Variants in ABCA3 observed in about 807,000 individuals in gnomAD.
ABCA3 encodes the protein phospholipid-transporting ATPase ABCA3.
A neutral mutation model predicts 172.8 loss-of-function variants in ABCA3; 88 were observed. The observed-to-expected ratio is 0.51, with a 90% CI of 0.43 to 0.61. ABCA3 has a LOEUF of 0.61. ABCA3 is among the 20% of genes least tolerant of loss of function. The pLI is 0.00. For synonymous variants in ABCA3, 1,066 were observed against 983.8 expected (o/e 1.08, Z -1.56); for missense variants, 2,164 against 2,301.0 (o/e 0.94, Z 1.22).
chr16:2,317,516 G>C (rs1194471975), intron 9 of ABCA3, 113 bp from the exon 10 acceptor site: 2 of 1,577,644 alleles, frequency 1.3e-6, no homozygotes, highest in South Asian at 2.2e-5. Flanking sequence ...GTGGGACATT[G>C]ACAGCTCCTC....
chr16:2,285,328 G>C lies in ABCA3; in HGVS notation c.3483+114C>G, dbSNP rs923490394. 8 of 1,297,550 alleles carry C rather than the reference G, an allele frequency of 6.2e-6. No homozygotes were observed. The African/African-American group carries it at 7.3e-5, about 12-fold the overall frequency. The allele number at this position is 1,297,550 out of a possible 1,614,324, so 80.4% of individuals were successfully genotyped here. On this transcript the variant is annotated intron_variant, in intron 23 of 32. Coordinates refer to ENST00000301732, the MANE Select transcript of ABCA3 (RefSeq NM_001089.3). The surrounding 1 kb of genome is among the most constrained non-coding windows in gnomAD (Gnocchi z 4.7). ...GGATTCCAGCTGTCCTCCCTGAGTC[G>C]GGCCGAGCTGCCGGCCTAGGGGCTG...
chr16:2,298,357 C>T lies in ABCA3; in HGVS notation c.1896+29G>A, dbSNP rs375159671. The T allele has an allele frequency of 3.0e-5, 48 of 1,613,774 alleles. 1 individual carries two copies. The African/African-American group carries it at 3.7e-4, about 13-fold the overall frequency. On this transcript the variant is annotated intron_variant, in intron 15 of 32. Transcript: ENST00000301732. ...AAACTCGAGCACATCAGTGGAAACA[C>T]CCCTGCACACCCCTGGCCCCCAACT... is the stretch of plus-strand genomic sequence containing the variant.
intron 1 of ABCA3, among the ~76,000 whole-genome samples, chr16:2,340,082 G>A (rs964649096): frequency 6.6e-6 from 1 of 152,238 alleles, no homozygotes; most frequent in African/African-American, 2.4e-5. Context: ...GTGGGAGCAG[G>A]CGGAATCCAA....
intron 1 of ABCA3, among the ~76,000 whole-genome samples, chr16:2,331,716 C>G (rs1402013536): frequency 6.6e-6 from 1 of 152,234 alleles, no homozygotes; most frequent in Non-Finnish European, 1.5e-5. Flanking sequence ...GCACTTGACG[C>G]CGAGGCGGCA....
At chr16:2,314,549 G>A (rs1217909821) in intron 10 of ABCA3, among the ~76,000 whole-genome samples, 8 of 151,950 alleles carry the variant, frequency 5.3e-5, no homozygotes, top group Admixed American at 1.3e-4. Context: ...GGTGCACAAC[G>A]ATGTGAATGC....
Position 2,287,619 on chromosome 16 carries a change from C to A in ABCA3, c.3004+407G>T, listed in dbSNP as rs1310195601. 6.6e-6 allele frequency among the ~76,000 whole-genome samples: 1 copy of A among 152,216 alleles called. No homozygotes were observed. Among genetic ancestry groups the A allele is most frequent in the African/African-American group, 2.4e-5 (1 of 41,454 alleles). ...AAGATGTTGAAAGAAAACACCCTGT[C>A]ACACGAAGGCACACTGTGGCCAGCA... On this transcript the variant is annotated intron_variant, in intron 21 of 32. Coordinates refer to ENST00000301732, the MANE Select transcript of ABCA3 (RefSeq NM_001089.3). This position sits in a 1 kb window ranked among gnomAD's most constrained non-coding sequence, Gnocchi z 4.1.
chr16:2,289,961 T>TCACACACA (rs3138606), intron 19 of ABCA3, among the ~76,000 whole-genome samples: 1,787 of 138,262 alleles, frequency 0.013, 20 homozygotes, highest in East Asian at 0.018. Flanking sequence ...GTGAATTACA[T>TCACACACA]CACACACACA....
In ABCA3 at chr16:2,278,596, G is replaced by T. The variant is rs2093650349; in HGVS notation, c.4548-138C>A. ...CAGCCCTAGTGAAGAGGAAGGAGCT[G>T]TGTGTGCACCTGGAAAGCCCACCGC... On this transcript the variant is annotated intron_variant, in intron 29 of 32. Transcript: ENST00000301732. The surrounding 1 kb of genome is among the most constrained non-coding windows in gnomAD (Gnocchi z 4.4). 1 of 1,226,662 alleles carries T rather than the reference G, an allele frequency of 8.2e-7. No homozygotes were observed. The highest frequency in any genetic ancestry group is 1.1e-6 in the Non-Finnish European group (1 of 873,508). 76.0% of individuals were successfully genotyped at this position (1,226,662 alleles called of 1,614,324 possible). A position where few individuals can be genotyped will look rare whatever the true frequency, so the allele number is the denominator to read the frequency against.
In ABCA3 at chr16:2,319,776, A is replaced by G. The variant is rs201462041; in HGVS notation, c.678T>C (p.His226=). The change falls in exon 8 of 33, where the codon CAT becomes CAC. Residue 226 remains histidine, a synonymous_variant. Coordinates refer to ENST00000301732, the MANE Select transcript of ABCA3 (RefSeq NM_001089.3). ...ACAGCTGGCGTGTGGCGGCATCGGC[A>G]TGGTACTCCATGATGGCCCGGTCCA... ...HAVDRAIMEY[H]ADAATRQLFQ... 1.3e-4 allele frequency: 202 copies of G among 1,613,880 alleles called. No homozygotes were observed. Among genetic ancestry groups the G allele is most frequent in the Non-Finnish European group, 1.7e-4 (202 of 1,180,014 alleles).
At position 2,319,680 on chromosome 16, in the gene ABCA3, G is replaced by A. The variant is rs2093722618; in HGVS notation, c.774C>T (p.Ala258=). 1.2e-6 allele frequency: 2 copies of A among 1,613,810 alleles called. No individual in the cohort carries two copies. Among genetic ancestry groups the A allele is most frequent in the African/African-American group, 1.3e-5 (1 of 74,886 alleles). The stretch of plus-strand genomic sequence containing the variant: ...GCAGCAGGGGCAGCTGGTACTGGAT[G>A]GCCACGAGGAAGGGGTCTGCGATGA... The part of the protein sequence containing the change: ...PPFIADPFLV[A]IQYQLPLLLL... The change falls in exon 8 of 33, where the codon GCC becomes GCT. Residue 258 remains alanine (A), a synonymous_variant. Transcript: ENST00000301732.
chr16:2,300,294 G>A, intron 12 of ABCA3, 146 bp from the exon 13 acceptor site: 1 of 1,175,128 alleles, frequency 8.5e-7, no homozygotes, highest in Non-Finnish European at 1.2e-6. Flanking sequence ...CTCAGGGAGA[G>A]CCCCAGAGAG....
chr16:2,322,093 G>A (rs575587556), intron 7 of ABCA3, among the ~76,000 whole-genome samples: 3 of 151,984 alleles, frequency 2.0e-5, no homozygotes, highest in African/African-American at 7.3e-5. Context: ...AGCTACTTGG[G>A]AGGTTGAGGC....
chr16:2,299,931 C>G, intron 13 of ABCA3, 74 bp downstream of exon 13: 1 of 1,598,682 alleles, frequency 6.3e-7, no homozygotes, highest in South Asian at 1.1e-5. Context: ...GCTATGAGGT[C>G]TCACTGCCGT....
chr16:2,284,787 C>A lies in ABCA3; in HGVS notation c.3695G>T (p.Arg1232Leu). 4 of 1,613,348 alleles carry A rather than the reference C, an allele frequency of 2.5e-6. No individual in the cohort carries two copies. The highest frequency in any genetic ancestry group is 3.4e-6 in the Non-Finnish European group (4 of 1,179,760). The change falls in exon 24 of 33, where the codon CGC becomes CTC. Residue 1232 changes from arginine (R) to leucine (L), a missense_variant. Coordinates refer to ENST00000301732, the MANE Select transcript of ABCA3 (RefSeq NM_001089.3). The surrounding 1 kb of genome is among the most constrained non-coding windows in gnomAD (Gnocchi z 5.9). The part of the protein sequence containing the change: ...IATFLMVTIM[R>L]IPAVKLEELS... Reference sequence around the variant, plus strand: ...GGTCTCCAGGTGCCCACCTGGGATGCGCATGATGGTGACCATCAGGAAGGT... The same window carrying A: ...GGTCTCCAGGTGCCCACCTGGGATGAGCATGATGGTGACCATCAGGAAGGT...
chr16:2,322,374 T>C (rs1177683009), intron 7 of ABCA3, among the ~76,000 whole-genome samples: 1 of 151,964 alleles, frequency 6.6e-6, no homozygotes, highest in African/African-American at 2.4e-5. Flanking sequence ...GAAAAGTATT[T>C]CTTTCTTTTT....
chr16:2,336,703 G>A (rs1244976423), intron 1 of ABCA3, among the ~76,000 whole-genome samples: 1 of 148,638 alleles, frequency 6.7e-6, no homozygotes, highest in African/African-American at 2.5e-5. Flanking sequence ...GCCTCCCAAA[G>A]TGCTAGGATT....
At chr16:2,289,310 G>A (rs1015704241) in intron 20 of ABCA3, 124 bp downstream of exon 20, 67 of 1,213,898 alleles carry the variant, frequency 5.5e-5, no homozygotes, top group Non-Finnish European at 7.0e-5. Flanking sequence ...CCCTCTGCCC[G>A]GTGTGCTGAC....
intron 11 of ABCA3, among the ~76,000 whole-genome samples, chr16:2,306,826 T>C (rs1021747381): frequency 5.3e-5 from 8 of 151,756 alleles, no homozygotes; most frequent in East Asian, 2.0e-4. Context: ...CCATCCTGGC[T>C]AACACAGTGA....
At position 2,278,924 on chromosome 16, in the gene ABCA3, C is replaced by T; in HGVS notation, c.4547+19G>A. On this transcript the variant is annotated intron_variant, in intron 29 of 32. Transcript: ENST00000301732. This position sits in a 1 kb window ranked among gnomAD's most constrained non-coding sequence, Gnocchi z 4.4. Reference sequence around the variant, plus strand: ...ATTCTGACTCCACTCTGGGAAGGGCCAGGGCTCGGGAGGTGCACCTGTACG... The same window carrying T: ...ATTCTGACTCCACTCTGGGAAGGGCTAGGGCTCGGGAGGTGCACCTGTACG... 3 of 1,613,278 alleles carry T rather than the reference C, an allele frequency of 1.9e-6. No homozygotes were observed. Among genetic ancestry groups the T allele is most frequent in the African/African-American group, 1.3e-5 (1 of 75,054 alleles).
Sources: gnomAD v4.1 joint callset for allele counts (sites outside exome capture counted in the v4.1 genomes callset) on GRCh38, gnomAD v4.1.1 for gene constraint, Gnocchi (gnomAD v3.1) non-coding constraint, MANE v1.5 for transcripts, NCBI Gene and HGNC (gene_info 2026-07-23, HGNC 2026-07-21) for gene names.